Variants in LIPH observed in about 807,000 individuals in gnomAD.
LIPH encodes the protein lipase H, also known as lipase member H.
A neutral mutation model predicts 47.6 loss-of-function variants in LIPH; 32 were observed. That is an observed-to-expected ratio of 0.67 (90% CI 0.51 to 0.90). The LOEUF (loss-of-function observed/expected upper bound fraction) is 0.90. LIPH is among the 40% of genes least tolerant of loss of function. The probability of loss-of-function intolerance (pLI) is 0.00; values close to 1 mark genes in which losing one functional copy is unlikely to be tolerated. For missense variants in LIPH, 497 were observed against 541.4 expected, an observed-to-expected ratio of 0.92 and a Z score of 0.81; for synonymous variants, 190 against 195.6, an observed-to-expected ratio of 0.97 and a Z score of 0.24.
rs200866646 is a variant in LIPH at position 185,538,958 on chromosome 3, C to CAT, written c.50-3828_50-3827dup. Reference sequence around the variant, plus strand: ...ATACATATATATACATATATATACACATATATATATTTTTTTTTATTTTAT... The same window carrying CAT: ...ATACATATATATACATATATATACACATATATATATATTTTTTTTTATTTTAT... On this transcript the variant is annotated intron_variant, in intron 1 of 9. Coordinates refer to ENST00000296252, the MANE Select transcript of LIPH (RefSeq NM_139248.3). 4.8e-3 allele frequency among the ~76,000 whole-genome samples: 533 copies of CAT among 112,076 alleles called. 2 individuals are homozygous for CAT. The highest frequency in any genetic ancestry group is 0.014 in the South Asian group (56 of 3,940). 73.5% of individuals were successfully genotyped at this position (112,076 alleles called of 152,430 possible). A position where few individuals can be genotyped will look rare whatever the true frequency, so the allele number is the denominator to read the frequency against.
chr3:185,530,821 T>C (rs184674253), intron 3 of LIPH, among the ~76,000 whole-genome samples: 32 of 152,232 alleles, frequency 2.1e-4, no homozygotes, highest in African/African-American at 6.3e-4. Flanking sequence ...TGAGTTGTGA[T>C]TGCACCACTG....
chr3:185,511,647 A>T lies in LIPH; in HGVS notation c.1145T>A (p.Phe382Tyr). Reference protein sequence around the residue: ...KYHQVSLLARFNQDLDKVAAI... With the variant: ...KYHQVSLLARYNQDLDKVAAI... ...AGCCACTTTATCCAGATCTTGATTAAATCTTGCAAGTAGACTCACTTGGTG... is the reference window on the plus strand; with the variant it reads ...AGCCACTTTATCCAGATCTTGATTATATCTTGCAAGTAGACTCACTTGGTG... Residue 382 changes from phenylalanine to tyrosine, a missense_variant, in exon 9 of 10, where the codon TTT (phenylalanine) becomes TAT (tyrosine). Coordinates refer to ENST00000296252, the MANE Select transcript of LIPH (RefSeq NM_139248.3). 4 of 1,613,608 alleles carry T rather than the reference A, an allele frequency of 2.5e-6. 1 individual carries two copies. Among genetic ancestry groups the T allele is most frequent in the South Asian group, 2.2e-5 (2 of 91,060 alleles).
Position 185,524,091 on chromosome 3 carries a change from C to G in LIPH, c.698G>C (p.Cys233Ser). The G allele has an allele frequency of 6.2e-7, 1 of 1,613,006 alleles. No individual in the cohort carries two copies. The highest frequency in any genetic ancestry group is 8.5e-7 in the Non-Finnish European group (1 of 1,178,954). Residue 233 changes from cysteine to serine, a missense_variant, in exon 5 of 10, where the codon TGC becomes TCC. Coordinates refer to ENST00000296252, the MANE Select transcript of LIPH (RefSeq NM_139248.3). Reference sequence around the variant, plus strand: ...CTTACCTCCCAATATTGTTTTGGGGCAGCCAGGTTGATCCAATCCTCCATT... The same window carrying G: ...CTTACCTCCCAATATTGTTTTGGGGGAGCCAGGTTGATCCAATCCTCCATT... Reference protein sequence around the residue: ...YPNGGLDQPGCPKTILGGFQY... With the variant: ...YPNGGLDQPGSPKTILGGFQY...
At chr3:185,546,850 T>C in intron 1 of LIPH, 2 of 423,580 alleles carry the variant, frequency 4.7e-6, no homozygotes, top group South Asian at 1.7e-5. Flanking sequence ...CTGTCTCAGC[T>C]ACACACTCAG....
At chr3:185,526,979 C>A (rs1025188738) in intron 4 of LIPH, among the ~76,000 whole-genome samples, 3 of 152,156 alleles carry the variant, frequency 2.0e-5, no homozygotes, top group African/African-American at 7.2e-5. Context: ...GTGGCTCACG[C>A]CTGTAATCCC....
chr3:185,550,799 C>G (rs1404423722), intron 1 of LIPH, among the ~76,000 whole-genome samples: 1 of 152,166 alleles, frequency 6.6e-6, no homozygotes, highest in Non-Finnish European at 1.5e-5. Flanking sequence ...AACTCCTGAC[C>G]TCAGGTGATC....
chr3:185,529,431 T>A (rs993224312), intron 3 of LIPH, among the ~76,000 whole-genome samples: 3 of 147,252 alleles, frequency 2.0e-5, no homozygotes, highest in Non-Finnish European at 1.5e-5. Context: ...TTTTTTTTTT[T>A]AATTTGTGGG....
chr3:185,521,258 A>T (rs1331572333), intron 5 of LIPH, among the ~76,000 whole-genome samples: 1 of 152,190 alleles, frequency 6.6e-6, no homozygotes, highest in Non-Finnish European at 1.5e-5. Flanking sequence ...TGGTAGTTTA[A>T]CTATTATGCT....
intron 9 of LIPH, 108 bp from the exon 10 acceptor site, chr3:185,508,985 A>G: frequency 1.3e-6 from 1 of 791,126 alleles, no homozygotes; most frequent in Non-Finnish European, 2.2e-6. Flanking sequence ...AATTGTTTTT[A>G]ATATAGAAAA....
chr3:185,514,684 C>A (rs1719671929), intron 7 of LIPH, among the ~76,000 whole-genome samples, 163 bp from the exon 8 acceptor site: 1 of 152,204 alleles, frequency 6.6e-6, no homozygotes, highest in Non-Finnish European at 1.5e-5. Flanking sequence ...ATATTCCCTT[C>A]TCTTCTCTTT....
chr3:185,515,146 T>C (rs1055014739), intron 7 of LIPH, among the ~76,000 whole-genome samples: 2 of 152,112 alleles, frequency 1.3e-5, no homozygotes, highest in Non-Finnish European at 2.9e-5. Flanking sequence ...ACTCTCCCCA[T>C]TATTATTCAG....
chr3:185,509,918 G>T (rs1408721215), intron 9 of LIPH, among the ~76,000 whole-genome samples: 1 of 150,618 alleles, frequency 6.6e-6, no homozygotes, highest in Non-Finnish European at 1.5e-5. Flanking sequence ...AATGTTTTAA[G>T]GTACCCTAAA....
At position 185,511,661 on chromosome 3, in the gene LIPH, A is replaced by T. The variant is rs1306329769; in HGVS notation, c.1131T>A (p.Ser377Arg). Reference protein sequence around the residue: ...PTTFQKYHQVSLLARFNQDLD... With the variant: ...PTTFQKYHQVRLLARFNQDLD... ...GATCTTGATTAAATCTTGCAAGTAG[A>T]CTCACTTGGTGATATTTCTGAAATG... The change falls in exon 9 of 10, where the codon AGT becomes AGA. Residue 377 changes from serine to arginine, a missense_variant. Ser to Arg is a moderately radical substitution (Grantham distance 110). Coordinates refer to ENST00000296252, the MANE Select transcript of LIPH (RefSeq NM_139248.3). 1.2e-6 allele frequency: 2 copies of T among 1,613,322 alleles called. No individual in the cohort carries two copies. Among genetic ancestry groups the T allele is most frequent in the African/African-American group, 2.7e-5 (2 of 74,890 alleles).
chr3:185,551,765 CT>C (rs147647289), intron 1 of LIPH, among the ~76,000 whole-genome samples: 7,295 of 152,182 alleles, frequency 0.048, 288 homozygotes, highest in East Asian at 0.24. Context: ...CCACAGCTAT[CT>C]GAAACAAAAC....
At position 185,506,433 on chromosome 3, in the gene LIPH, A is replaced by C. The variant is rs1341581195; in HGVS notation, c.*2357T>G. 1 of 152,220 alleles carries C rather than the reference A, an allele frequency of 6.6e-6. No homozygotes were observed. The highest frequency in any genetic ancestry group is 6.5e-5 in the Admixed American group (1 of 15,284). 9.4% of individuals were successfully genotyped at this position (152,220 alleles called of 1,614,324 possible). On this transcript the variant is annotated 3_prime_UTR_variant, in exon 10 of 10. Coordinates refer to ENST00000296252, the MANE Select transcript of LIPH (RefSeq NM_139248.3). Reference sequence around the variant, plus strand: ...GGAGACCCACGAGCCTAGAGTTTACAAAGTAGTAGAAATTCTATTTCTGGC... The same window carrying C: ...GGAGACCCACGAGCCTAGAGTTTACCAAGTAGTAGAAATTCTATTTCTGGC...
chr3:185,526,610 A>T lies in LIPH; in HGVS notation c.628+874T>A, dbSNP rs1001423397. Among the ~76,000 whole-genome samples the T allele has an allele frequency of 1.5e-3, 124 of 80,644 alleles. 1 individual carries two copies. Among genetic ancestry groups the T allele is most frequent in the African/African-American group, 4.3e-3 (101 of 23,530 alleles). 52.9% of individuals were successfully genotyped at this position (80,644 alleles called of 152,430 possible). On this transcript the variant is annotated intron_variant, in intron 4 of 9. Transcript: ENST00000296252. The stretch of plus-strand genomic sequence containing the variant: ...TAAAATAAAATAAAATAAAATAAAA[A>T]ATAAAATAATAAAATAAAATATAAA...
chr3:185,522,649 A>AAAGAAAG (rs55836109), intron 5 of LIPH, among the ~76,000 whole-genome samples: 15,817 of 91,954 alleles, frequency 0.17, 1,130 homozygotes, highest in Admixed American at 0.2. Flanking sequence ...AGAGAGAAAG[A>AAAGAAAG]AAAAGAAAGA....
At chr3:185,544,148 G>A (rs1720797014) in intron 1 of LIPH, among the ~76,000 whole-genome samples, 1 of 152,044 alleles carries the variant, frequency 6.6e-6, no homozygotes, top group Non-Finnish European at 1.5e-5. Context: ...AGCATGCCTG[G>A]CGCTCTTGCT....
chr3:185,545,128 T>C (rs528998336), intron 1 of LIPH, among the ~76,000 whole-genome samples: 93 of 152,266 alleles, frequency 6.1e-4, no homozygotes, highest in African/African-American at 2.2e-3. Context: ...CTTCTTCTAT[T>C]TGAGTTTATC....
Sources: allele counts gnomAD v4.1 joint callset (sites outside exome capture counted in the v4.1 genomes callset), GRCh38; gene constraint gnomAD v4.1.1; transcripts MANE v1.5; gene names NCBI Gene and HGNC (gene_info 2026-07-23, HGNC 2026-07-21).